NLRC4: variants seen among roughly 807,000 people sequenced by gnomAD.
NLRC4 encodes NLR family CARD domain containing 4, also known as NLR family CARD domain-containing protein 4.
In NLRC4, 63 loss-of-function variants were observed where a neutral mutation model predicts 79.9. That is an observed-to-expected ratio of 0.79 (90% CI 0.64 to 0.97). The LOEUF (loss-of-function observed/expected upper bound fraction) is 0.97. Among genes scored for constraint, NLRC4 ranks in the 50% least tolerant of loss-of-function variants. The pLI, the probability that NLRC4 is intolerant of heterozygous loss-of-function variation, is 0.00. For missense variants in NLRC4, 1,074 were observed against 1,215.2 expected (o/e 0.88, Z 1.73); for synonymous variants, 461 against 456.5 (o/e 1.01, Z -0.12).
intron 1 of NLRC4, among the ~76,000 whole-genome samples, chr2:32,260,100 A>G (rs1687304824): frequency 6.6e-6 from 1 of 151,404 alleles, no homozygotes; most frequent in Admixed American, 6.6e-5. Flanking sequence ...ATGGTGGCTC[A>G]TGCCTGTAAT....
chr2:32,252,394 A>G, intron 3 of NLRC4, 25 bp downstream of exon 3: 1 of 1,565,808 alleles, frequency 6.4e-7, no homozygotes, highest in South Asian at 1.1e-5. Flanking sequence ...TTGCAGAAAC[A>G]GATGCAAAAC....
chr2:32,238,332 G>A lies in NLRC4; in HGVS notation c.2351-30C>T, dbSNP rs770975929. 5 of 1,568,388 alleles carry A rather than the reference G, an allele frequency of 3.2e-6. No individual in the cohort carries two copies. In the Admixed American group the frequency reaches 5.4e-5, roughly 17 times the overall value. ...AAAATGATAGAAAGGAATGCATTAG[G>A]ATACCAAGTTAATTCGATTTAAGCA... On this transcript the variant is annotated intron_variant, in intron 5 of 8. Transcript: ENST00000402280.
chr2:32,233,588 T>C (rs537192579), intron 8 of NLRC4, among the ~76,000 whole-genome samples: 89 of 152,126 alleles, frequency 5.9e-4, no homozygotes, highest in African/African-American at 1.9e-3. Flanking sequence ...TTGTATAGTT[T>C]CCAAAGTTCC....
At chr2:32,233,351 T>TA (rs1448102690) in intron 8 of NLRC4, among the ~76,000 whole-genome samples, 292 of 22,480 alleles carry the variant, frequency 0.013, no homozygotes, top group African/African-American at 0.019. Context: ...ATATATATAT[T>TA]TTTTTTTTTT....
chr2:32,234,237 T>C (rs1686620897), intron 8 of NLRC4, among the ~76,000 whole-genome samples: 1 of 151,158 alleles, frequency 6.6e-6, no homozygotes, highest in South Asian at 2.1e-4. Context: ...AAAAAAAAAA[T>C]TAGGCGTGGT....
chr2:32,228,673 G>A (rs998998181), intron 8 of NLRC4, among the ~76,000 whole-genome samples: 1 of 152,074 alleles, frequency 6.6e-6, no homozygotes, highest in Admixed American at 6.5e-5. Flanking sequence ...AGAGCTTTTG[G>A]AAAATAAAAT....
At chr2:32,254,409 A>G (rs1445204627) in intron 2 of NLRC4, among the ~76,000 whole-genome samples, 1 of 151,836 alleles carries the variant, frequency 6.6e-6, no homozygotes, top group African/African-American at 2.4e-5. Flanking sequence ...TTTTTATCCA[A>G]TGTAAGCTCT....
Position 32,249,464 on chromosome 2 carries a change from G to A in NLRC4, c.2257+143C>T. On this transcript the variant is annotated intron_variant, in intron 4 of 8. Transcript: ENST00000402280. ...TGCCTGTCTCTGGTCTTGGTTGGAG[G>A]CATGTTTCTCAGCCTGTGGGATGGC... 10 of 690,250 alleles carry A rather than the reference G, an allele frequency of 1.4e-5. No individual in the cohort carries two copies. In the South Asian group the frequency reaches 2.0e-4, roughly 14 times the overall value. The allele number at this position is 690,250 out of a possible 1,614,324, so 42.8% of individuals were successfully genotyped here. A position where few individuals can be genotyped will look rare whatever the true frequency, so the allele number is the denominator to read the frequency against.
intron 2 of NLRC4, 140 bp from the exon 3 acceptor site, chr2:32,252,819 C>T (rs1687112611): frequency 7.8e-6 from 5 of 643,260 alleles, no homozygotes; most frequent in Non-Finnish European, 1.3e-5. Context: ...GAGATCGAGA[C>T]CATCCTGGCT....
At position 32,255,533 on chromosome 2, in the gene NLRC4, A is replaced by T. The variant is rs182674123; in HGVS notation, c.1+1242T>A. Among the ~76,000 whole-genome samples the T allele has an allele frequency of 8.6e-3, 1,280 of 148,218 alleles. 32 individuals carry two copies. The highest frequency in any genetic ancestry group is 0.03 in the African/African-American group (1,197 of 40,046). The stretch of plus-strand genomic sequence containing the variant: ...AAAACTCCGTCTCAAAAAAAAAAAA[A>T]AAAAATAAGAAATACAGCCTCAGAA... On this transcript the variant is annotated intron_variant, in intron 2 of 8. Transcript: ENST00000402280.
Position 32,251,533 on chromosome 2 carries a change from T to C in NLRC4, c.331A>G (p.Thr111Ala). The C allele has an allele frequency of 6.2e-7, 1 of 1,613,884 alleles. No individual in the cohort carries two copies. Among genetic ancestry groups the C allele is most frequent in the South Asian group, 1.1e-5 (1 of 91,074 alleles). The change falls in exon 4 of 9, where the codon ACC becomes GCC. Residue 111 changes from threonine to alanine, a missense_variant. Thr to Ala is a moderately conservative substitution (Grantham distance 58). Transcript: ENST00000402280. ...LAQDLKDLYH[T>A]PSFLNFYPLG... Reference sequence around the variant, plus strand: ...GGATAAAAGTTCAGAAAAGATGGGGTATGGTACAAGTCCTTTAAATCCTGA... The same window carrying C: ...GGATAAAAGTTCAGAAAAGATGGGGCATGGTACAAGTCCTTTAAATCCTGA...
At chr2:32,259,448 G>A (rs966579557) in intron 1 of NLRC4, among the ~76,000 whole-genome samples, 2 of 151,394 alleles carry the variant, frequency 1.3e-5, no homozygotes, top group Admixed American at 6.6e-5. Context: ...CAAACATAGA[G>A]AAAATCCATC....
intron 4 of NLRC4, among the ~76,000 whole-genome samples, chr2:32,245,869 G>A (rs781509839): frequency 1.5e-4 from 23 of 152,144 alleles, no homozygotes; most frequent in Middle Eastern, 3.2e-3. Context: ...GTTGGCTATC[G>A]TTATGTATAC....
chr2:32,258,099 C>T (rs1221895765), intron 1 of NLRC4, among the ~76,000 whole-genome samples: 1 of 152,116 alleles, frequency 6.6e-6, no homozygotes. Context: ...AAGCTCTCAG[C>T]AGATGGGGTA....
At chr2:32,238,977 G>A (rs1184568448) in intron 5 of NLRC4, among the ~76,000 whole-genome samples, 2 of 152,024 alleles carry the variant, frequency 1.3e-5, no homozygotes, top group African/African-American at 4.8e-5. Context: ...TAGCCTACGG[G>A]AAAGAAATAT....
intron 8 of NLRC4, among the ~76,000 whole-genome samples, chr2:32,225,364 T>C (rs1254576507): frequency 6.6e-6 from 1 of 151,694 alleles, no homozygotes; most frequent in Non-Finnish European, 1.5e-5. Flanking sequence ...TATCCTGTCT[T>C]TCTGATACAC....
chr2:32,244,784 C>T (rs1316063952), intron 4 of NLRC4, among the ~76,000 whole-genome samples: 1 of 150,496 alleles, frequency 6.6e-6, no homozygotes, highest in African/African-American at 2.5e-5. Context: ...TCAAGACTGG[C>T]CTTGGCAACA....
chr2:32,249,538 T>C, intron 4 of NLRC4, 69 bp downstream of exon 4: 1 of 1,303,248 alleles, frequency 7.7e-7, no homozygotes, highest in East Asian at 2.3e-5. Context: ...TCCTCTCTCC[T>C]TTTCCAAATT....
At chr2:32,226,245 G>A (rs1686393201) in intron 8 of NLRC4, among the ~76,000 whole-genome samples, 1 of 152,220 alleles carries the variant, frequency 6.6e-6, no homozygotes, top group South Asian at 2.1e-4. Context: ...TACCAGCTCC[G>A]TAGTGAGAGG....
Sources: gnomAD v4.1 joint callset for allele counts (sites outside exome capture counted in the v4.1 genomes callset) on GRCh38, gnomAD v4.1.1 for gene constraint, MANE v1.5 for transcripts, NCBI Gene and HGNC (gene_info 2026-07-23, HGNC 2026-07-21) for gene names.